MARCHF10: variants seen among roughly 807,000 people sequenced by gnomAD.
MARCHF10 encodes the protein probable E3 ubiquitin-protein ligase MARCHF10.
MARCHF10 carries 64 observed loss-of-function variants against 76.2 expected under a neutral mutation model. The ratio of observed to expected loss-of-function variants is 0.84; its 90% CI spans 0.69 to 1.03. The LOEUF (loss-of-function observed/expected upper bound fraction) is 1.03. Ranked by LOEUF, MARCHF10 falls within the 50% of genes least tolerant of loss-of-function variation. The probability of loss-of-function intolerance (pLI) is 0.00; values close to 1 mark genes in which losing one functional copy is unlikely to be tolerated. For synonymous variants in MARCHF10, 340 were observed against 357.5 expected (o/e 0.95, Z 0.55); for missense variants, 875 against 958.0 (o/e 0.91, Z 1.14).
chr17:62,791,824 T>C (rs2092847892), intron 2 of MARCHF10, among the ~76,000 whole-genome samples: 1 of 152,084 alleles, frequency 6.6e-6, no homozygotes, highest in Non-Finnish European at 1.5e-5. Flanking sequence ...GTTGATGTTG[T>C]TTTTGTGCGG....
intron 4 of MARCHF10, among the ~76,000 whole-genome samples, chr17:62,755,313 G>C (rs1269679286): frequency 5.3e-5 from 8 of 152,170 alleles, no homozygotes; most frequent in Non-Finnish European, 1.5e-5. Flanking sequence ...TCTGGCCCTA[G>C]GGTAGGGAGC....
intron 3 of MARCHF10, among the ~76,000 whole-genome samples, chr17:62,778,595 T>C (rs964594113): frequency 5.4e-5 from 8 of 148,122 alleles, no homozygotes; most frequent in Non-Finnish European, 1.2e-4. Context: ...CCGGGCATCA[T>C]GGCGCACGCC....
At chr17:62,706,854 G>A (rs1037816909) in intron 9 of MARCHF10, among the ~76,000 whole-genome samples, 53 of 152,196 alleles carry the variant, frequency 3.5e-4, no homozygotes, top group Admixed American at 5.9e-4. Flanking sequence ...CCTGACAAAC[G>A]GAGTGCTCCG....
At chr17:62,794,961 A>T in intron 2 of MARCHF10, 12 of 750,306 alleles carry the variant, frequency 1.6e-5, no homozygotes, top group Non-Finnish European at 1.9e-5. Context: ...TTGAGATAGT[A>T]TTCCCCTCCA....
At chr17:62,715,662 G>T (rs1031604242) in intron 8 of MARCHF10, among the ~76,000 whole-genome samples, 1 of 152,210 alleles carries the variant, frequency 6.6e-6, no homozygotes, top group African/African-American at 2.4e-5. Context: ...ACTGCCACAG[G>T]CCCTGACAGA....
intron 3 of MARCHF10, among the ~76,000 whole-genome samples, chr17:62,787,384 T>C (rs2092763934): frequency 6.6e-6 from 1 of 152,130 alleles, no homozygotes; most frequent in African/African-American, 2.4e-5. Flanking sequence ...TCAGGATCTA[T>C]CTCAGGATCC....
At chr17:62,797,236 C>T (rs1035931374) in intron 2 of MARCHF10, among the ~76,000 whole-genome samples, 1 of 152,090 alleles carries the variant, frequency 6.6e-6, no homozygotes, top group Non-Finnish European at 1.5e-5. Flanking sequence ...CCGAGTTTCA[C>T]TCTTGTTGCC....
At chr17:62,765,077 T>TGG (rs1326095639) in intron 3 of MARCHF10, among the ~76,000 whole-genome samples, 1 of 152,170 alleles carries the variant, frequency 6.6e-6, no homozygotes, top group East Asian at 1.9e-4. Context: ...CCAGGTGCTG[T>TGG]GGTTCACGCT....
intron 4 of MARCHF10, among the ~76,000 whole-genome samples, chr17:62,749,621 G>A (rs2091827455): frequency 6.6e-6 from 1 of 152,206 alleles, no homozygotes; most frequent in Non-Finnish European, 1.5e-5. Flanking sequence ...CATGTACCCA[G>A]AGGAGATCTT....
chr17:62,789,716 T>C (rs1173754218), intron 2 of MARCHF10, among the ~76,000 whole-genome samples: 1 of 152,164 alleles, frequency 6.6e-6, no homozygotes, highest in Non-Finnish European at 1.5e-5. Context: ...GGCAGGTTGA[T>C]CACTTGATGC....
chr17:62,771,171 A>C (rs1186190443), intron 3 of MARCHF10, among the ~76,000 whole-genome samples: 1 of 152,128 alleles, frequency 6.6e-6, no homozygotes, highest in Non-Finnish European at 1.5e-5. Context: ...TTATTAAACA[A>C]ATGTAAAATT....
chr17:62,713,730 G>A (rs1261657272), intron 8 of MARCHF10, among the ~76,000 whole-genome samples: 1 of 152,218 alleles, frequency 6.6e-6, no homozygotes, highest in East Asian at 1.9e-4. Context: ...CTGGAGCTAC[G>A]GCCCATCCAC....
chr17:62,774,839 A>T (rs2092517558), intron 3 of MARCHF10, among the ~76,000 whole-genome samples: 1 of 152,050 alleles, frequency 6.6e-6, no homozygotes, highest in Admixed American at 6.5e-5. Flanking sequence ...GTGGATCACG[A>T]GGTCAGGAGT....
chr17:62,788,145 G>C (rs1256456208), intron 3 of MARCHF10, among the ~76,000 whole-genome samples: 1 of 152,166 alleles, frequency 6.6e-6, no homozygotes, highest in African/African-American at 2.4e-5. Context: ...AGAAGGCCCA[G>C]TGCCTCCAAC....
At chr17:62,803,182 AGAGGCTGAGGTGGGAG>A (rs149994694) in intron 1 of MARCHF10, among the ~76,000 whole-genome samples, 8,871 of 152,212 alleles carry the variant, frequency 0.058, 467 homozygotes, top group African/African-American at 0.14. Context: ...CTACCTACTC[AGAGGCTGAGGTGGGAG>A]GATCGCTTCA....
Position 62,711,192 on chromosome 17 carries a change from G to C in MARCHF10, c.2328+39C>G. The C allele has an allele frequency of 6.4e-7, 1 of 1,563,340 alleles. No individual in the cohort carries two copies. Among genetic ancestry groups the C allele is most frequent in the South Asian group, 1.1e-5 (1 of 89,910 alleles). On this transcript the variant is annotated intron_variant, in intron 9 of 10. Transcript: ENST00000311269. This position sits in a 1 kb window ranked among gnomAD's most constrained non-coding sequence, Gnocchi z 4.4. ...ATAAACAGCACTGCAGGGTTTTCAG[G>C]GCTGCCACCGGACAGCTCTGGGTCA... is the stretch of plus-strand genomic sequence containing the variant.
Position 62,736,092 on chromosome 17 carries a change from A to G in MARCHF10, c.1776T>C (p.Ser592=). 6.2e-7 allele frequency: 1 copy of G among 1,614,224 alleles called. No homozygotes were observed. Among genetic ancestry groups the G allele is most frequent in the Non-Finnish European group, 8.5e-7 (1 of 1,180,044 alleles). Residue 592 remains serine, a synonymous_variant, in exon 6 of 11, where the codon TCT becomes TCC. Transcript: ENST00000311269. ...ATGGTGTATTTTCTTGCAGAGACCC[A>G]GACACATGCAAATGGCCTTCTGAGT... The part of the protein sequence containing the change: ...RMNSEGHLHV[S]GSLQENTPFT...
intron 3 of MARCHF10, among the ~76,000 whole-genome samples, chr17:62,782,345 C>CATT (rs572741612): frequency 1.9e-5 from 2 of 107,028 alleles, no homozygotes; most frequent in Non-Finnish European, 3.6e-5. Context: ...AACAACTGTT[C>CATT]TTTTTTTTTT....
rs375261719 is a variant in MARCHF10, at chr17:62,799,721, G to C, written c.90+1925C>G. Reference sequence around the variant, plus strand: ...AGATCGTGCCACTGCACTCCAGCCTGGGCAACAAGAGCACAACTCTGTCTC... The same window carrying C: ...AGATCGTGCCACTGCACTCCAGCCTCGGCAACAAGAGCACAACTCTGTCTC... On this transcript the variant is annotated intron_variant, in intron 2 of 10. Transcript: ENST00000311269. Among the ~76,000 whole-genome samples the C allele has an allele frequency of 1.3e-4, 20 of 151,842 alleles. No individual in the cohort carries two copies. In the East Asian group the frequency reaches 3.9e-3, roughly 29 times the overall value.
Sources: allele counts gnomAD v4.1 joint callset (sites outside exome capture counted in the v4.1 genomes callset), GRCh38; gene constraint gnomAD v4.1.1; non-coding constraint Gnocchi (gnomAD v3.1); transcripts MANE v1.5; gene names NCBI Gene and HGNC (gene_info 2026-07-23, HGNC 2026-07-21).